The following VAV3 variants were observed in gnomAD, a reference collection of about 807,000 sequenced individuals.
VAV3 encodes the protein guanine nucleotide exchange factor VAV3.
Under a neutral mutation model 131.2 loss-of-function variants are expected in VAV3, and 94 were observed. The ratio of observed to expected loss-of-function variants is 0.72; its 90% CI spans 0.61 to 0.85. The LOEUF (loss-of-function observed/expected upper bound fraction) is 0.85. Among genes scored for constraint, VAV3 ranks in the 40% least tolerant of loss-of-function variants. VAV3 has a pLI of 0.00. For missense variants in VAV3, 939 were observed against 1,002.7 expected (o/e 0.94, Z 0.86); for synonymous variants, 349 against 342.0 (o/e 1.02, Z -0.22).
intron 25 of VAV3, among the ~76,000 whole-genome samples, chr1:107,585,047 G>C (rs1650373052): frequency 6.6e-6 from 1 of 152,178 alleles, no homozygotes; most frequent in Admixed American, 6.5e-5. Context: ...ATTATGTAGA[G>C]ATATGGAAAT....
Position 107,740,888 on chromosome 1 carries a change from C to T in VAV3, c.1502+8080G>A, listed in dbSNP as rs141310662. 2.1e-3 allele frequency among the ~76,000 whole-genome samples: 315 copies of T among 152,332 alleles called. 1 individual carries two copies. Among genetic ancestry groups the T allele is most frequent in the African/African-American group, 7.2e-3 (299 of 41,582 alleles). Reference sequence around the variant, plus strand: ...ACAGATACCATATGGCCCACAAAGCCTAAACCATTTACTCTCTGGCCCCCT... The same window carrying T: ...ACAGATACCATATGGCCCACAAAGCTTAAACCATTTACTCTCTGGCCCCCT... On this transcript the variant is annotated intron_variant, in intron 15 of 26. Transcript: ENST00000370056.
intron 1 of VAV3, among the ~76,000 whole-genome samples, chr1:107,959,176 G>T (rs1374400744): frequency 1.3e-5 from 2 of 152,050 alleles, no homozygotes; most frequent in Admixed American, 6.5e-5. Context: ...CAGGAGAATT[G>T]GTTGAACCCA....
intron 1 of VAV3, among the ~76,000 whole-genome samples, chr1:107,932,202 A>T (rs577206389): frequency 2.9e-4 from 44 of 152,334 alleles, no homozygotes; most frequent in Admixed American, 2.9e-3. Flanking sequence ...AACAAAAGGT[A>T]CCCAAATCAC....
At chr1:107,821,300 G>C (rs1667782481) in intron 2 of VAV3, among the ~76,000 whole-genome samples, 1 of 152,154 alleles carries the variant, frequency 6.6e-6, no homozygotes, top group Non-Finnish European at 1.5e-5. Flanking sequence ...ATACAAAAAA[G>C]AGTAAGAATG....
chr1:107,875,473 C>G (rs1400703602), intron 1 of VAV3, among the ~76,000 whole-genome samples: 1 of 151,986 alleles, frequency 6.6e-6, no homozygotes, highest in East Asian at 1.9e-4. Context: ...CCATGGAGAA[C>G]CGTAGCACAC....
intron 2 of VAV3, among the ~76,000 whole-genome samples, chr1:107,865,608 C>T (rs1265004446): frequency 6.6e-6 from 1 of 152,108 alleles, no homozygotes. Context: ...AGGCAGAGGC[C>T]TGATCATGAA....
intron 19 of VAV3, among the ~76,000 whole-genome samples, chr1:107,646,801 G>T (rs150148423): frequency 6.6e-6 from 1 of 151,926 alleles, no homozygotes; most frequent in Admixed American, 6.6e-5. Flanking sequence ...ACTAATAGTC[G>T]TGTGTTTCTG....
At chr1:107,594,212 T>C (rs1036191016) in intron 25 of VAV3, among the ~76,000 whole-genome samples, 1 of 152,052 alleles carries the variant, frequency 6.6e-6, no homozygotes, top group Non-Finnish European at 1.5e-5. Context: ...TATATAAAAA[T>C]ATGAAACTCC....
At chr1:107,953,079 A>G (rs1674633399) in intron 1 of VAV3, among the ~76,000 whole-genome samples, 1 of 152,130 alleles carries the variant, frequency 6.6e-6, no homozygotes, top group Admixed American at 6.5e-5. Context: ...TCCTCATGCA[A>G]TTTGCCATCT....
intron 20 of VAV3, among the ~76,000 whole-genome samples, chr1:107,622,264 C>G (rs1229019477): frequency 6.6e-6 from 1 of 152,132 alleles, no homozygotes; most frequent in African/African-American, 2.4e-5. Context: ...AGAATCCACA[C>G]TGAATCATAA....
chr1:107,683,080 C>A (rs1244452792), intron 19 of VAV3, among the ~76,000 whole-genome samples: 1 of 152,142 alleles, frequency 6.6e-6, no homozygotes, highest in Non-Finnish European at 1.5e-5. Context: ...AAGAAATTTT[C>A]TCTGATGGAG....
At chr1:107,832,799 TACATTGTACAA>T (rs974606219) in intron 2 of VAV3, among the ~76,000 whole-genome samples, 2 of 152,342 alleles carry the variant, frequency 1.3e-5, no homozygotes, top group Admixed American at 1.3e-4. Context: ...AGCCATTGAT[TACATTGTACAA>T]AATGTAAACT....
chr1:107,761,221 C>G (rs1227927483), intron 9 of VAV3, among the ~76,000 whole-genome samples: 1 of 151,908 alleles, frequency 6.6e-6, no homozygotes, highest in East Asian at 1.9e-4. Flanking sequence ...AACCCCATCT[C>G]TACTGAAAAT....
At chr1:107,802,131 T>C (rs1666856303) in intron 2 of VAV3, among the ~76,000 whole-genome samples, 1 of 152,114 alleles carries the variant, frequency 6.6e-6, no homozygotes. Flanking sequence ...ATGAGATTGC[T>C]TTCTTGATTT....
chr1:107,920,885 A>G (rs1571143594), intron 1 of VAV3, among the ~76,000 whole-genome samples: 1 of 152,346 alleles, frequency 6.6e-6, no homozygotes, highest in South Asian at 2.1e-4. Context: ...AACAGACAAA[A>G]GCCTTATTTA....
chr1:107,756,005 G>A (rs536032263), intron 11 of VAV3, among the ~76,000 whole-genome samples: 1 of 152,150 alleles, frequency 6.6e-6, no homozygotes, highest in East Asian at 1.9e-4. Flanking sequence ...GAGAGCATTC[G>A]GTCAAGGAAA....
intron 1 of VAV3, among the ~76,000 whole-genome samples, chr1:107,915,856 G>A (rs764238176): frequency 6.6e-6 from 1 of 151,934 alleles, no homozygotes. Flanking sequence ...GAGTTGTGAA[G>A]AAAACAGAAA....
chr1:107,617,035 G>A (rs921804815), intron 21 of VAV3, among the ~76,000 whole-genome samples: 1 of 152,016 alleles, frequency 6.6e-6, no homozygotes, highest in Non-Finnish European at 1.5e-5. Flanking sequence ...TTGAGGAAAT[G>A]TTCATTTATT....
In VAV3 at chr1:107,642,765, A is replaced by T. The variant is rs756813088; in HGVS notation, c.1778-10T>A. Reference sequence around the variant, plus strand: ...TGCATCTTTGGTAAACCTGAAAATAAGCCAAACAAGTTTTAGAATTGAGAA... The same window carrying T: ...TGCATCTTTGGTAAACCTGAAAATATGCCAAACAAGTTTTAGAATTGAGAA... On this transcript the variant is annotated splice_polypyrimidine_tract_variant and intron_variant, in intron 19 of 26. Transcript: ENST00000370056. 6.2e-7 allele frequency: 1 copy of T among 1,613,212 alleles called. No homozygotes were observed. Among genetic ancestry groups the T allele is most frequent in the South Asian group, 1.1e-5 (1 of 91,044 alleles).
Sources: allele counts gnomAD v4.1 joint callset (sites outside exome capture counted in the v4.1 genomes callset), GRCh38; gene constraint gnomAD v4.1.1; transcripts MANE v1.5; gene names NCBI Gene and HGNC (gene_info 2026-07-23, HGNC 2026-07-21).